FSIP1: variants seen among roughly 807,000 people sequenced by gnomAD.
FSIP1 encodes the protein fibrous sheath interacting protein 1.
Under a neutral mutation model 60.9 loss-of-function variants are expected in FSIP1, and 65 were observed. The observed-to-expected ratio is 1.07, with a 90% CI of 0.87 to 1.31. The LOEUF is 1.31. Among genes scored for constraint, FSIP1 ranks in the 40% most tolerant of loss-of-function variants. The pLI is 0.00. For synonymous variants in FSIP1, 209 were observed against 221.2 expected (o/e 0.94, Z 0.49); for missense variants, 675 against 665.5 (o/e 1.01, Z -0.16).
intron 10 of FSIP1, among the ~76,000 whole-genome samples, chr15:39,638,864 G>A (rs1385085216): frequency 2.6e-5 from 4 of 151,784 alleles, no homozygotes; most frequent in African/African-American, 9.7e-5. Context: ...GGTGGGGGGT[G>A]GTTTTGCCTA....
chr15:39,641,528 A>G (rs1460496993), intron 10 of FSIP1, among the ~76,000 whole-genome samples: 1 of 152,250 alleles, frequency 6.6e-6, no homozygotes, highest in Admixed American at 6.5e-5. Flanking sequence ...TGGTATTTGA[A>G]AGCAAATAAG....
intron 5 of FSIP1, among the ~76,000 whole-genome samples, chr15:39,756,106 A>G (rs536682855): frequency 6.6e-6 from 1 of 152,280 alleles, no homozygotes; most frequent in East Asian, 1.9e-4. Flanking sequence ...CTTGAGGTTA[A>G]TATGTCTGGA....
intron 11 of FSIP1, among the ~76,000 whole-genome samples, chr15:39,612,386 C>T (rs1891067858): frequency 6.6e-6 from 1 of 152,050 alleles, no homozygotes; most frequent in South Asian, 2.1e-4. Context: ...AAACAACATG[C>T]TCCTAAACAA....
intron 2 of FSIP1, among the ~76,000 whole-genome samples, chr15:39,773,793 C>T (rs1844863): frequency 0.41 from 62,969 of 151,924 alleles, 14,048 homozygotes; most frequent in Admixed American, 0.5. Context: ...TCCATTTATA[C>T]AAACTTCTGG....
intron 10 of FSIP1, among the ~76,000 whole-genome samples, chr15:39,623,206 C>A (rs1280647028): frequency 6.6e-6 from 1 of 152,084 alleles, no homozygotes; most frequent in African/African-American, 2.4e-5. Context: ...GCTATATATC[C>A]GGAGTTTCTC....
chr15:39,727,398 G>C (rs57158008), intron 8 of FSIP1, among the ~76,000 whole-genome samples: 2,542 of 152,284 alleles, frequency 0.017, 70 homozygotes, highest in African/African-American at 0.055. Context: ...GTAAGCTCTG[G>C]GCACCATGGG....
chr15:39,705,547 T>A (rs1895227047), intron 10 of FSIP1, among the ~76,000 whole-genome samples: 1 of 152,062 alleles, frequency 6.6e-6, no homozygotes, highest in Non-Finnish European at 1.5e-5. Flanking sequence ...AAGTAGAAAA[T>A]TATCTAATAA....
At chr15:39,690,547 C>T (rs1894555255) in intron 10 of FSIP1, among the ~76,000 whole-genome samples, 1 of 152,164 alleles carries the variant, frequency 6.6e-6, no homozygotes, top group South Asian at 2.1e-4. Context: ...GCTCCACAGC[C>T]CTACCCCAAA....
chr15:39,740,605 G>A (rs1221722549), intron 6 of FSIP1, among the ~76,000 whole-genome samples: 2 of 151,736 alleles, frequency 1.3e-5, no homozygotes, highest in Non-Finnish European at 2.9e-5. Context: ...AGTCCACAAA[G>A]GAAAAAAACA....
chr15:39,780,441 C>G (rs951976184), intron 1 of FSIP1, among the ~76,000 whole-genome samples: 2 of 152,188 alleles, frequency 1.3e-5, no homozygotes, highest in South Asian at 4.1e-4. Context: ...AGGAGAATGG[C>G]CTGAACCCGG....
At chr15:39,689,234 C>T (rs1332131946) in intron 10 of FSIP1, among the ~76,000 whole-genome samples, 1 of 152,174 alleles carries the variant, frequency 6.6e-6, no homozygotes, top group African/African-American at 2.4e-5. Context: ...TCATTGTCCT[C>T]TCTGTGCACC....
chr15:39,657,551 C>G (rs11638500), intron 10 of FSIP1, among the ~76,000 whole-genome samples: 14,535 of 152,220 alleles, frequency 0.095, 818 homozygotes, highest in East Asian at 0.21. Flanking sequence ...CAGTAGTGAA[C>G]TTCCCATTTT....
At chr15:39,713,669 A>G (rs1895620721) in intron 9 of FSIP1, 88 bp from the exon 10 acceptor site, 1 of 1,210,332 alleles carries the variant, frequency 8.3e-7, no homozygotes, top group Admixed American at 2.4e-5. Context: ...CTTGAGGGTT[A>G]GCTTTGCTTC....
At chr15:39,604,884 A>G (rs1382907698) in intron 11 of FSIP1, among the ~76,000 whole-genome samples, 1 of 152,236 alleles carries the variant, frequency 6.6e-6, no homozygotes, top group Non-Finnish European at 1.5e-5. Context: ...CACTGTTTCT[A>G]GAATCTCACC....
intron 5 of FSIP1, among the ~76,000 whole-genome samples, chr15:39,752,441 TCAGC>T (rs1393438433): frequency 1.3e-5 from 2 of 152,012 alleles, no homozygotes; most frequent in African/African-American, 4.8e-5. Flanking sequence ...AAATATTTCC[TCAGC>T]CAGGTGAACA....
chr15:39,743,500 CAATT>C (rs1330357131), intron 5 of FSIP1, among the ~76,000 whole-genome samples: 1 of 151,834 alleles, frequency 6.6e-6, no homozygotes, highest in Non-Finnish European at 1.5e-5. Context: ...TTTTCAAAAA[CAATT>C]AACGTAGAAG....
At chr15:39,660,809 TC>T (rs1231344887) in intron 10 of FSIP1, among the ~76,000 whole-genome samples, 1 of 152,224 alleles carries the variant, frequency 6.6e-6, no homozygotes, top group Non-Finnish European at 1.5e-5. Flanking sequence ...CCTGTGATTT[TC>T]CCAGCACTTT....
chr15:39,663,599 TTATAA>T (rs1444080984), intron 10 of FSIP1, among the ~76,000 whole-genome samples: 1 of 152,126 alleles, frequency 6.6e-6, no homozygotes, highest in Non-Finnish European at 1.5e-5. Flanking sequence ...TAATACAGCC[TTATAA>T]TATAAGGTTA....
intron 5 of FSIP1, among the ~76,000 whole-genome samples, chr15:39,751,566 G>T (rs1432671976): frequency 2.0e-5 from 3 of 151,002 alleles, no homozygotes; most frequent in Non-Finnish European, 3.0e-5. Context: ...GAAAAATACC[G>T]CATGATCATG....
Sources: allele counts gnomAD v4.1 joint callset (sites outside exome capture counted in the v4.1 genomes callset), GRCh38; gene constraint gnomAD v4.1.1; transcripts MANE v1.5; gene names NCBI Gene and HGNC (gene_info 2026-07-23, HGNC 2026-07-21).